The following KCNH7 variants were observed in gnomAD, a reference collection of about 807,000 sequenced individuals.
KCNH7 encodes potassium voltage-gated channel subfamily H member 7.
In KCNH7, 49 loss-of-function variants were observed where a neutral mutation model predicts 120.8. That is an observed-to-expected ratio of 0.41 (90% confidence interval 0.32 to 0.51). The LOEUF (loss-of-function observed/expected upper bound fraction) is 0.51, where lower values mean the gene tolerates loss of function less well. Among genes scored for constraint, KCNH7 ranks in the 20% least tolerant of loss-of-function variants. KCNH7 has a pLI of 0.38. For synonymous variants in KCNH7, 547 were observed against 516.1 expected (o/e 1.06, Z -0.81); for missense variants, 1,097 against 1,446.6 (o/e 0.76, Z 3.92).
chr2:162,642,342 G>T (rs1415825772), intron 2 of KCNH7, among the ~76,000 whole-genome samples: 3 of 151,984 alleles, frequency 2.0e-5, no homozygotes, highest in Non-Finnish European at 4.4e-5. Flanking sequence ...TTTTAAATTT[G>T]CATTTGTACA....
chr2:162,586,664 CTTT>C (rs71410017), intron 2 of KCNH7, among the ~76,000 whole-genome samples: 2 of 133,860 alleles, frequency 1.5e-5, no homozygotes, highest in African/African-American at 2.7e-5. Flanking sequence ...GGTTTCTTTC[CTTT>C]TTTTTTTTTT....
At chr2:162,521,379 A>G (rs950042072) in intron 3 of KCNH7, among the ~76,000 whole-genome samples, 2 of 151,912 alleles carry the variant, frequency 1.3e-5, no homozygotes, top group Admixed American at 6.6e-5. Context: ...AATTGTACTG[A>G]CTGATATTTA....
intron 6 of KCNH7, among the ~76,000 whole-genome samples, chr2:162,448,549 A>T (rs1461737506): frequency 2.0e-5 from 3 of 152,106 alleles, no homozygotes; most frequent in Non-Finnish European, 4.4e-5. Flanking sequence ...TCAATCAAAG[A>T]GGAAAAATAA....
intron 2 of KCNH7, among the ~76,000 whole-genome samples, chr2:162,637,914 T>C (rs1684018243): frequency 1.3e-5 from 2 of 152,086 alleles, no homozygotes; most frequent in South Asian, 4.1e-4. Flanking sequence ...GATAGTATCA[T>C]GTGAGAAATG....
intron 2 of KCNH7, among the ~76,000 whole-genome samples, chr2:162,663,509 TC>T (rs1268616520): frequency 6.6e-6 from 1 of 152,184 alleles, no homozygotes; most frequent in Non-Finnish European, 1.5e-5. Context: ...CACTAAATTC[TC>T]CTTTTTCATG....
chr2:162,538,412 T>G (rs1197569589), intron 2 of KCNH7, among the ~76,000 whole-genome samples: 1 of 151,914 alleles, frequency 6.6e-6, no homozygotes, highest in East Asian at 1.9e-4. Flanking sequence ...TTGAGGAGAA[T>G]GATGATTCAA....
At chr2:162,429,314 T>C (rs1257906630) in intron 8 of KCNH7, among the ~76,000 whole-genome samples, 1 of 151,454 alleles carries the variant, frequency 6.6e-6, no homozygotes, top group Non-Finnish European at 1.5e-5. Context: ...AACCTGCACA[T>C]TCATTGACAT....
intron 2 of KCNH7, among the ~76,000 whole-genome samples, chr2:162,701,440 C>T (rs988623581): frequency 6.6e-6 from 1 of 152,054 alleles, no homozygotes; most frequent in Admixed American, 6.6e-5. Flanking sequence ...AAAAATTTAT[C>T]TCAGTTCAAA....
Position 162,698,028 on chromosome 2 carries a change from C to T in KCNH7, c.307+138509G>A, listed in dbSNP as rs146503095. 5.1e-4 allele frequency among the ~76,000 whole-genome samples: 78 copies of T among 152,164 alleles called. No individual in the cohort carries two copies. The East Asian group carries it at 0.012, about 23-fold the overall frequency. ...CCCCACTACTCTCATAGTTTCAGAG[C>T]GCATACAAATTGGATTCAACATTCA... is the stretch of plus-strand genomic sequence containing the variant. On this transcript the variant is annotated intron_variant, in intron 2 of 15. Transcript: ENST00000332142.
chr2:162,814,471 T>C (rs556302419), intron 2 of KCNH7, among the ~76,000 whole-genome samples: 32 of 152,334 alleles, frequency 2.1e-4, no homozygotes, highest in African/African-American at 7.0e-4. Context: ...TCGCTTCTAC[T>C]TCTGGAAAAG....
At chr2:162,741,021 A>G (rs1688107777) in intron 2 of KCNH7, among the ~76,000 whole-genome samples, 1 of 152,110 alleles carries the variant, frequency 6.6e-6, no homozygotes. Context: ...AAATCTTGCT[A>G]TGATATAGGC....
At chr2:162,642,352 A>G (rs1684189537) in intron 2 of KCNH7, among the ~76,000 whole-genome samples, 1 of 152,170 alleles carries the variant, frequency 6.6e-6, no homozygotes, top group South Asian at 2.1e-4. Context: ...GCATTTGTAC[A>G]TGCTTTTCTT....
chr2:162,375,293 T>G (rs1260909663), intron 14 of KCNH7, among the ~76,000 whole-genome samples: 1 of 152,194 alleles, frequency 6.6e-6, no homozygotes, highest in Non-Finnish European at 1.5e-5. Flanking sequence ...ACAAGGGAGA[T>G]TCAAGATCCA....
chr2:162,470,039 C>T (rs975188420), intron 6 of KCNH7, among the ~76,000 whole-genome samples: 1 of 152,140 alleles, frequency 6.6e-6, no homozygotes, highest in African/African-American at 2.4e-5. Flanking sequence ...AGTGCAGTGG[C>T]GTGATCTCGG....
At chr2:162,403,482 C>T (rs896376503) in intron 9 of KCNH7, among the ~76,000 whole-genome samples, 2 of 151,896 alleles carry the variant, frequency 1.3e-5, no homozygotes, top group African/African-American at 2.4e-5. Flanking sequence ...GATATGTTAT[C>T]GGAATTCCAA....
At position 162,435,469 on chromosome 2, in the gene KCNH7, C is replaced by G; in HGVS notation, c.1683G>C (p.Leu561=). 6.2e-7 allele frequency: 1 copy of G among 1,613,666 alleles called. No individual in the cohort carries two copies. Among genetic ancestry groups the G allele is most frequent in the South Asian group, 1.1e-5 (1 of 91,074 alleles). ...AAATGCAAGCCAGCCAGTGAGCAAT[C>G]AGGGCAAAGATGCACATTAAGAGCA... ...VLMLLMCIFA[L]IAHWLACIWY... is the part of the protein sequence containing the mutation. Residue 561 remains leucine (L), a synonymous_variant, in exon 8 of 16, where the codon CTG becomes CTC. Transcript: ENST00000332142.
chr2:162,522,858 T>C (rs1171117248), intron 3 of KCNH7, among the ~76,000 whole-genome samples: 2 of 151,852 alleles, frequency 1.3e-5, no homozygotes, highest in South Asian at 2.1e-4. Context: ...ATTATAGTAG[T>C]TATAATTAAC....
chr2:162,492,865 G>GTTTTTTTTTTTTTTTTTT (rs67006443), intron 6 of KCNH7, among the ~76,000 whole-genome samples: 1 of 57,208 alleles, frequency 1.7e-5, no homozygotes, highest in Non-Finnish European at 3.6e-5. Context: ...CTTGGATCTT[G>GTTTTTTTTTTTTTTTTTT]TTTTTTTTTT....
intron 12 of KCNH7, among the ~76,000 whole-genome samples, chr2:162,393,045 CA>C (rs753342357): frequency 2.0e-5 from 3 of 151,858 alleles, no homozygotes; most frequent in Non-Finnish European, 4.4e-5. Context: ...AGAAGTTAAC[CA>C]AAAGGAGACC....
Sources: gnomAD v4.1 joint callset for allele counts (sites outside exome capture counted in the v4.1 genomes callset) on GRCh38, gnomAD v4.1.1 for gene constraint, MANE v1.5 for transcripts, NCBI Gene and HGNC (gene_info 2026-07-23, HGNC 2026-07-21) for gene names.